Variants in DTNB observed in about 807,000 individuals in gnomAD.
DTNB encodes the protein DTN-B.
In DTNB, 63 loss-of-function variants were observed where a neutral mutation model predicts 90.7. The observed-to-expected ratio is 0.69, with a 90% confidence interval of 0.57 to 0.86. The LOEUF (loss-of-function observed/expected upper bound fraction) is 0.86, where lower values mean the gene tolerates loss of function less well. DTNB is among the 40% of genes least tolerant of loss of function. The probability of loss-of-function intolerance (pLI) is 0.00; values close to 1 mark genes in which losing one functional copy is unlikely to be tolerated. For missense variants in DTNB, 744 were observed against 807.1 expected (o/e 0.92, Z 0.95); for synonymous variants, 277 against 286.7 (o/e 0.97, Z 0.34).
intron 8 of DTNB, among the ~76,000 whole-genome samples, chr2:25,550,353 T>G (rs554047679): frequency 2.6e-4 from 40 of 152,200 alleles, no homozygotes; most frequent in African/African-American, 9.4e-4. Context: ...ATCGCGCCAC[T>G]GCACTCCAGC....
chr2:25,562,795 T>TG (rs1248523891), intron 8 of DTNB, among the ~76,000 whole-genome samples: 1 of 152,074 alleles, frequency 6.6e-6, no homozygotes, highest in Non-Finnish European at 1.5e-5. Context: ...TTTTTTGAGA[T>TG]GGAGTCTCAC....
intron 4 of DTNB, among the ~76,000 whole-genome samples, chr2:25,625,784 C>A (rs1021780991): frequency 2.6e-5 from 4 of 152,028 alleles, no homozygotes; most frequent in African/African-American, 9.7e-5. Context: ...TATGCTATAA[C>A]CTGAATGCCT....
intron 10 of DTNB, among the ~76,000 whole-genome samples, chr2:25,474,978 G>A (rs2063487647): frequency 6.6e-6 from 1 of 152,108 alleles, no homozygotes; most frequent in African/African-American, 2.4e-5. Context: ...CCGTTTCACT[G>A]ACCATCTCTC....
chr2:25,489,319 G>C (rs2066879024), intron 9 of DTNB, among the ~76,000 whole-genome samples: 1 of 152,104 alleles, frequency 6.6e-6, no homozygotes, highest in South Asian at 2.1e-4. Context: ...TCAGATATTT[G>C]CCTATAATGT....
At chr2:25,485,211 G>A (rs2065877772) in intron 9 of DTNB, among the ~76,000 whole-genome samples, 1 of 151,968 alleles carries the variant, frequency 6.6e-6, no homozygotes, top group African/African-American at 2.4e-5. Flanking sequence ...GTCTCACTAT[G>A]TTGCCTAGGC....
chr2:25,453,093 T>C (rs970717810), intron 11 of DTNB, among the ~76,000 whole-genome samples: 2 of 152,128 alleles, frequency 1.3e-5, no homozygotes, highest in South Asian at 2.1e-4. Context: ...TGGATCATAT[T>C]ATGGAGGGAT....
intron 8 of DTNB, among the ~76,000 whole-genome samples, chr2:25,552,871 T>A (rs2056586280): frequency 4.3e-5 from 4 of 93,886 alleles, no homozygotes; most frequent in East Asian, 3.7e-4. Flanking sequence ...TTTTTTTTTT[T>A]GAGACGGAGT....
intron 4 of DTNB, among the ~76,000 whole-genome samples, chr2:25,618,056 C>T (rs974019901): frequency 2.0e-5 from 3 of 152,092 alleles, no homozygotes; most frequent in Admixed American, 2.0e-4. Flanking sequence ...TAGCTCTTTT[C>T]TCTCAATTGT....
At chr2:25,444,133 TAAACA>T (rs1478375205) in intron 12 of DTNB, among the ~76,000 whole-genome samples, 8 of 152,212 alleles carry the variant, frequency 5.3e-5, no homozygotes, top group African/African-American at 1.9e-4. Context: ...CCCTTAAAGG[TAAACA>T]AAACATCTGA....
intron 16 of DTNB, among the ~76,000 whole-genome samples, chr2:25,398,283 C>G (rs1370791635): frequency 6.6e-6 from 1 of 152,182 alleles, no homozygotes; most frequent in African/African-American, 2.4e-5. Flanking sequence ...AGATAAAAAC[C>G]AGATTCTAGA....
At chr2:25,411,053 T>C (rs2046465548) in intron 16 of DTNB, among the ~76,000 whole-genome samples, 1 of 151,834 alleles carries the variant, frequency 6.6e-6, no homozygotes. Flanking sequence ...AATAGACTTA[T>C]ACTTAACCAT....
At chr2:25,454,431 T>C (rs2059710863) in intron 11 of DTNB, among the ~76,000 whole-genome samples, 1 of 152,212 alleles carries the variant, frequency 6.6e-6, no homozygotes, top group Admixed American at 6.5e-5. Flanking sequence ...GCCTCTGTTA[T>C]GTGTACAGCT....
intron 6 of DTNB, among the ~76,000 whole-genome samples, chr2:25,591,568 T>G (rs974451407): frequency 6.6e-6 from 1 of 152,188 alleles, no homozygotes; most frequent in Non-Finnish European, 1.5e-5. Context: ...TTAAACAACT[T>G]TTAAGCGTCG....
chr2:25,588,676 T>C (rs572600512), intron 6 of DTNB, among the ~76,000 whole-genome samples: 2 of 152,164 alleles, frequency 1.3e-5, no homozygotes, highest in Non-Finnish European at 2.9e-5. Flanking sequence ...GAGGACATTT[T>C]AAATGACAAC....
chr2:25,431,432 T>C (rs937015236), intron 14 of DTNB, among the ~76,000 whole-genome samples: 5 of 152,222 alleles, frequency 3.3e-5, no homozygotes, highest in South Asian at 2.1e-4. Context: ...TACATAGGCA[T>C]AGAAAACTGT....
intron 16 of DTNB, among the ~76,000 whole-genome samples, chr2:25,401,362 CA>C (rs920553991): frequency 2.6e-5 from 4 of 152,110 alleles, no homozygotes; most frequent in African/African-American, 9.7e-5. Context: ...TTGTTGGAGC[CA>C]AAACAGGTAT....
intron 19 of DTNB, 196 bp from the exon 20 acceptor site, chr2:25,379,519 G>A (rs1278245882): frequency 1.3e-5 from 7 of 531,814 alleles, no homozygotes; most frequent in Non-Finnish European, 8.7e-6. Context: ...TAGCCAACCC[G>A]AGGCAGCCAT....
At chr2:25,583,836 T>TA (rs1352558502) in intron 6 of DTNB, among the ~76,000 whole-genome samples, 1 of 151,972 alleles carries the variant, frequency 6.6e-6, no homozygotes, top group East Asian at 1.9e-4. Flanking sequence ...TTTTTTTTTT[T>TA]AATCTTCAAG....
chr2:25,624,049 A>C (rs2073512691), intron 4 of DTNB, among the ~76,000 whole-genome samples: 1 of 152,130 alleles, frequency 6.6e-6, no homozygotes, highest in Non-Finnish European at 1.5e-5. Context: ...TCTACAGTCT[A>C]TTCTCTCTAG....
Sources: gnomAD v4.1 joint callset for allele counts (sites outside exome capture counted in the v4.1 genomes callset) on GRCh38, gnomAD v4.1.1 for gene constraint, MANE v1.5 for transcripts, NCBI Gene and HGNC (gene_info 2026-07-23, HGNC 2026-07-21) for gene names.